The following TMPRSS9 variants were observed in gnomAD, a reference collection of about 807,000 sequenced individuals.
The protein encoded by TMPRSS9 is transmembrane serine protease 9, also known as transmembrane protease serine 9.
TMPRSS9 carries 113 observed loss-of-function variants against 111.4 expected under a neutral mutation model. The ratio of observed to expected loss-of-function variants is 1.01; its 90% CI spans 0.87 to 1.19. The LOEUF is 1.19. Ranked by LOEUF, TMPRSS9 falls within the 50% of genes most tolerant of loss-of-function variation. The pLI, the probability that TMPRSS9 is intolerant of heterozygous loss-of-function variation, is 0.00. For missense variants in TMPRSS9, 1,803 were observed against 1,513.1 expected, an observed-to-expected ratio of 1.19 and a Z score of -3.18; for synonymous variants, 805 against 659.1, an observed-to-expected ratio of 1.22 and a Z score of -3.39.
At chr19:2,386,349 C>CA (rs1338574508), upstream of TMPRSS9, among the ~76,000 whole-genome samples, 2 of 151,476 alleles carry the variant, frequency 1.3e-5, no homozygotes, top group African/African-American at 2.4e-5. Flanking sequence ...ACTAAAAATA[C>CA]AAAAAATTAG....
intron 1 of TMPRSS9, among the ~76,000 whole-genome samples, chr19:2,368,774 G>GTTTTTTTTTTTTT (rs762761358): frequency 0.014 from 1,004 of 70,346 alleles, 220 homozygotes; most frequent in East Asian, 0.034. Context: ...GATAAACCCA[G>GTTTTTTTTTTTTT]TTTTTTTTTT....
intron 8 of TMPRSS9, 48 bp downstream of exon 9, chr19:2,408,678 C>A: frequency 1.9e-6 from 3 of 1,576,932 alleles, no homozygotes; most frequent in Admixed American, 3.4e-5. Context: ...GGCAGGCGGG[C>A]AAATAACGCA....
intron 1 of TMPRSS9, among the ~76,000 whole-genome samples, chr19:2,372,386 G>T (rs865868504): frequency 5.9e-5 from 9 of 151,854 alleles, no homozygotes; most frequent in African/African-American, 2.2e-4. Flanking sequence ...AATAAATGAT[G>T]CCTCTTCTTG....
upstream of TMPRSS9, among the ~76,000 whole-genome samples, chr19:2,388,779 T>C (rs182172109): frequency 2.7e-3 from 412 of 151,030 alleles, 11 homozygotes; most frequent in South Asian, 0.047. Flanking sequence ...AGCCACCACA[T>C]CTGGCTAATT....
At chr19:2,418,221 C>G in intron 13 of TMPRSS9, 83 bp downstream of exon 14, 1 of 1,425,184 alleles carries the variant, frequency 7.0e-7, no homozygotes, top group Non-Finnish European at 9.5e-7. Context: ...GTGTGCAGAC[C>G]TAGATTTTTT....
intron 1 of TMPRSS9, among the ~76,000 whole-genome samples, chr19:2,392,710 A>T (rs1970624025): frequency 6.6e-6 from 1 of 152,176 alleles, no homozygotes; most frequent in South Asian, 2.1e-4. Flanking sequence ...GTCTAACTAG[A>T]GGATTGTAAA....
In TMPRSS9 at chr19:2,415,970, A is replaced by T. The variant is rs1286166705; in HGVS notation, c.1745+129A>T. ...GAGCAGCCCTTCCTCTCCTGAGGGC[A>T]GCTGAGAGACAGGAGGGAGCCGGTG... On this transcript the variant is annotated intron_variant, in intron 11 of 17. Coordinates refer to ENST00000648592, the Ensembl canonical transcript of TMPRSS9. 14 of 1,137,938 alleles carry T rather than the reference A, an allele frequency of 1.2e-5. No homozygotes were observed. The Admixed American group carries it at 4.7e-4, about 38-fold the overall frequency. 70.5% of individuals were successfully genotyped at this position (1,137,938 alleles called of 1,614,324 possible). A position where few individuals can be genotyped will look rare whatever the true frequency, so the allele number is the denominator to read the frequency against.
At chr19:2,405,075 A>G (rs912242685) in intron 6 of TMPRSS9, among the ~76,000 whole-genome samples, 2 of 152,264 alleles carry the variant, frequency 1.3e-5, no homozygotes, top group African/African-American at 2.4e-5. Flanking sequence ...AATATCCTAT[A>G]CAAACATGTA....
At chr19:2,415,899 C>T in intron 11 of TMPRSS9, 58 bp downstream of exon 12, 1 of 1,510,482 alleles carries the variant, frequency 6.6e-7, no homozygotes, top group South Asian at 1.3e-5. Flanking sequence ...CAGCCCCTCC[C>T]TGTCAGAAAC....
At chr19:2,415,892 C>G in intron 11 of TMPRSS9, 51 bp downstream of exon 12, 1 of 1,520,990 alleles carries the variant, frequency 6.6e-7, no homozygotes, top group Non-Finnish European at 8.9e-7. Context: ...TCCTCACCAG[C>G]CCCTCCCTGT....
intron 7 of TMPRSS9, among the ~76,000 whole-genome samples, chr19:2,407,232 G>C (rs1017547410): frequency 6.6e-6 from 1 of 151,702 alleles, no homozygotes; most frequent in Non-Finnish European, 1.5e-5. Context: ...TTGATACTTG[G>C]ACAGGCTATA....
At chr19:2,410,441 C>G (rs371040341) in intron 9 of TMPRSS9, 47 bp downstream of exon 10, 2 of 1,605,198 alleles carry the variant, frequency 1.2e-6, no homozygotes, top group Non-Finnish European at 1.7e-6. Flanking sequence ...GAAATAGACA[C>G]GAGCATGTTC....
intron 15 of TMPRSS9, 132 bp from the exon 17 acceptor site, chr19:2,424,870 C>A: frequency 8.3e-7 from 1 of 1,197,648 alleles, no homozygotes; most frequent in Non-Finnish European, 1.1e-6. Flanking sequence ...AGCCCATTCC[C>A]AGACCGACAG....
At chr19:2,422,129 T>C in exon 14 of TMPRSS9, 1 of 1,597,144 alleles carries the variant, frequency 6.3e-7, no homozygotes. Flanking sequence ...CCCCTGGGGC[T>C]GCCAGCAGGG....
intron 1 of TMPRSS9, among the ~76,000 whole-genome samples, chr19:2,367,763 CTG>C (rs1970259336): frequency 6.6e-6 from 1 of 151,670 alleles, no homozygotes; most frequent in Non-Finnish European, 1.5e-5. Flanking sequence ...TGGGGTTTCA[CTG>C]TGTTAGCCAG....
intron 7 of TMPRSS9, 78 bp from the exon 9 acceptor site, chr19:2,408,277 AC>A: frequency 6.9e-7 from 1 of 1,442,350 alleles, no homozygotes; most frequent in Non-Finnish European, 9.6e-7. Context: ...TACATTTTGC[AC>A]CCAAGGCGAG....
At chr19:2,414,493 C>T (rs1032506665) in intron 10 of TMPRSS9, among the ~76,000 whole-genome samples, 1 of 152,080 alleles carries the variant, frequency 6.6e-6, no homozygotes, top group African/African-American at 2.4e-5. Flanking sequence ...CCACCTCAGC[C>T]TCCCAAAATG....
intron 1 of TMPRSS9, among the ~76,000 whole-genome samples, chr19:2,395,556 A>G (rs963102767): frequency 6.6e-6 from 1 of 152,006 alleles, no homozygotes; most frequent in Non-Finnish European, 1.5e-5. Context: ...GAGAAACCCC[A>G]TCTGTACTAG....
At chr19:2,416,307 C>T (rs746643126) in intron 11 of TMPRSS9, 6 of 576,924 alleles carry the variant, frequency 1.0e-5, no homozygotes, top group African/African-American at 1.9e-5. Flanking sequence ...GAAAATGAAG[C>T]CTGAGGGTCC....
Sources: gnomAD v4.1 joint callset for allele counts (sites outside exome capture counted in the v4.1 genomes callset) on GRCh38, gnomAD v4.1.1 for gene constraint, MANE v1.5 for transcripts, NCBI Gene and HGNC (gene_info 2026-07-23, HGNC 2026-07-21) for gene names.